The following NLRP7 variants were observed in gnomAD, a reference collection of about 807,000 sequenced individuals.
NLRP7 encodes NACHT, LRR and PYD domains-containing protein 7.
Under a neutral mutation model 85.5 loss-of-function variants are expected in NLRP7, and 72 were observed. The ratio of observed to expected loss-of-function variants is 0.84; its 90% CI spans 0.70 to 1.02. NLRP7 has a LOEUF of 1.02. Among genes scored for constraint, NLRP7 ranks in the 50% least tolerant of loss-of-function variants. NLRP7 has a pLI of 0.00. For missense variants in NLRP7, 1,243 were observed against 1,219.5 expected, an observed-to-expected ratio of 1.02 and a Z score of -0.29; for synonymous variants, 550 against 505.2, an observed-to-expected ratio of 1.09 and a Z score of -1.19.
rs767860440 is a variant in NLRP7, at chr19:54,934,472, G to A, written c.2471+17C>T. The A allele has an allele frequency of 1.2e-6, 2 of 1,613,712 alleles. No homozygotes were observed. Among genetic ancestry groups the A allele is most frequent in the South Asian group, 1.1e-5 (1 of 91,080 alleles). On this transcript the variant is annotated intron_variant, in intron 7 of 9. Transcript: ENST00000340844. The surrounding 1 kb of genome is among the most constrained non-coding windows in gnomAD (Gnocchi z 6.7). ...CCAGAACTAAACCAGAGCTGCCCAT[G>A]GGAAGAGGAGACTTACGACAACATC...
chr19:54,924,528 G>C (rs2068351953), intron 9 of NLRP7, among the ~76,000 whole-genome samples: 6 of 152,138 alleles, frequency 3.9e-5, no homozygotes, highest in Admixed American at 2.0e-4. Context: ...GGAGGCGGAG[G>C]CAAGAGGATC....
upstream of NLRP7, among the ~76,000 whole-genome samples, chr19:54,949,274 TAAA>T (rs11414677): frequency 1.5e-5 from 2 of 131,982 alleles, no homozygotes; most frequent in Admixed American, 7.8e-5. Flanking sequence ...ACTCCATCTT[TAAA>T]AAAAAAAAAA....
chr19:54,923,528 C>T (rs1216449715), exon 10 of NLRP7: 2 of 623,476 alleles, frequency 3.2e-6, no homozygotes, highest in Non-Finnish European at 2.8e-6. Context: ...AGTGCTCTAA[C>T]TTTATTATCC....
chr19:54,934,438 T>C lies in NLRP7; in HGVS notation c.2471+51A>G, dbSNP rs2068808280. ...GTAAGTCAGGTGTTACCCTTTCTCT[T>C]CTATAGCCCCAGAACTAAACCAGAG... On this transcript the variant is annotated intron_variant, in intron 7 of 9. Transcript: ENST00000340844. The surrounding 1 kb of genome is among the most constrained non-coding windows in gnomAD (Gnocchi z 6.7). 6.3e-7 allele frequency: 1 copy of C among 1,593,216 alleles called. No individual in the cohort carries two copies.
chr19:54,943,461 C>T (rs1295628128), intron 1 of NLRP7, among the ~76,000 whole-genome samples: 2 of 151,308 alleles, frequency 1.3e-5, no homozygotes, highest in East Asian at 2.0e-4. Flanking sequence ...ATTAGCCGGG[C>T]GTGGTGGCGG....
intron 1 of NLRP7, among the ~76,000 whole-genome samples, chr19:54,964,211 GTTTTTTTTTTT>G (rs747785772): frequency 1.9e-5 from 1 of 52,474 alleles, no homozygotes; most frequent in Non-Finnish European, 3.2e-5. Flanking sequence ...TTTATATGGT[GTTTTTTTTTTT>G]TTTTTTTTTT....
chr19:54,941,378 T>C, intron 2 of NLRP7, 57 bp downstream of exon 2: 1 of 791,974 alleles, frequency 1.3e-6, no homozygotes, highest in South Asian at 1.4e-5. Context: ...CGAGACTCCA[T>C]CTCAAAAAAA....
intron 9 of NLRP7, among the ~76,000 whole-genome samples, chr19:54,926,951 G>A (rs2068468768): frequency 6.7e-6 from 1 of 149,024 alleles, no homozygotes. Flanking sequence ...TTAGCCAGCT[G>A]TGGTGGTGTG....
exon 8 of NLRP7, chr19:54,933,725 C>G: frequency 1.2e-6 from 2 of 1,614,004 alleles, no homozygotes; most frequent in Non-Finnish European, 1.7e-6. Flanking sequence ...TTCTGTAAGA[C>G]GACAGTTTTC....
chr19:54,933,455 CTT>C, intron 8 of NLRP7, 112 bp downstream of exon 8: 1 of 1,379,182 alleles, frequency 7.3e-7, no homozygotes, highest in Non-Finnish European at 1.0e-6. Flanking sequence ...TCTGCCTGTT[CTT>C]TAATTCTTAC....
In NLRP7 at chr19:54,964,029, G is replaced by A. The variant is rs1221686309; in HGVS notation, c.-77+2011C>T. On this transcript the variant is annotated intron_variant, in intron 1 of 2. Coordinates refer to the NLRP7 transcript ENST00000587103. ...CAAGTAGCTGGGATTACAGGCACCC[G>A]CCACCACGCCCGACTAATTTTTTGT... Among the ~76,000 whole-genome samples, 14 of 148,054 alleles carry A rather than the reference G, an allele frequency of 9.5e-5. No homozygotes were observed. In the Admixed American group the frequency reaches 9.5e-4, roughly 10 times the overall value.
chr19:54,929,031 G>A (rs569180555), intron 9 of NLRP7, among the ~76,000 whole-genome samples: 7 of 152,106 alleles, frequency 4.6e-5, no homozygotes, highest in African/African-American at 1.7e-4. Context: ...AAGGTATCAC[G>A]GTCTGGCTTG....
At chr19:54,945,067 G>A (rs552916743) in intron 1 of NLRP7, among the ~76,000 whole-genome samples, 17 of 151,302 alleles carry the variant, frequency 1.1e-4, no homozygotes, top group East Asian at 5.9e-4. Flanking sequence ...GTGAAACCCC[G>A]TCTCTACTAA....
chr19:54,962,165 A>C (rs867597277), intron 1 of NLRP7, among the ~76,000 whole-genome samples: 4,025 of 79,616 alleles, frequency 0.051, 169 homozygotes, highest in African/African-American at 0.18. Context: ...CTCCATCTCA[A>C]AAAAAAAAAA....
At position 54,939,715 on chromosome 19, in the gene NLRP7, A is replaced by C. The variant is rs1654636; in HGVS notation, c.1104T>G (p.Ile368Met). ...TCTGCAGCTTCAGAGTCGTGCACAC[A>C]ATCCAGCACACCGCGGGGGCCGAGC... The change falls in exon 4 of 10, where the codon ATT becomes ATG. Residue 368 changes from isoleucine to methionine, a missense_variant. By Grantham distance (10) the Ile-to-Met change is conservative. Coordinates refer to ENST00000340844, the Ensembl canonical transcript of NLRP7. 9.5e-4 allele frequency: 1,522 copies of C among 1,610,330 alleles called. 2 individuals carry two copies. Among genetic ancestry groups the C allele is most frequent in the Admixed American group, 1.5e-3 (90 of 59,754 alleles).
chr19:54,942,495 G>A (rs1284903814), intron 1 of NLRP7, among the ~76,000 whole-genome samples: 3 of 150,692 alleles, frequency 2.0e-5, no homozygotes, highest in East Asian at 2.0e-4. Context: ...AGGCCAAGGC[G>A]GGTGGATAAC....
chr19:54,939,197 C>T (rs778846440), exon 4 of NLRP7: 11 of 1,614,202 alleles, frequency 6.8e-6, no homozygotes, highest in South Asian at 6.6e-5. Flanking sequence ...CGGTGACATC[C>T]GGCAGCCAAA....
intron 1 of NLRP7, among the ~76,000 whole-genome samples, chr19:54,956,576 A>G (rs1217751355): frequency 4.0e-5 from 6 of 151,276 alleles, no homozygotes; most frequent in Non-Finnish European, 7.4e-5. Context: ...TGCCTGTAAT[A>G]CCAGCTACTC....
intron 1 of NLRP7, among the ~76,000 whole-genome samples, chr19:54,956,888 C>T (rs1248977736): frequency 6.6e-6 from 1 of 151,746 alleles, no homozygotes; most frequent in Non-Finnish European, 1.5e-5. Flanking sequence ...CCTTGGCCTC[C>T]CAAAGTGCTG....
Sources: allele counts gnomAD v4.1 joint callset (sites outside exome capture counted in the v4.1 genomes callset), GRCh38; gene constraint gnomAD v4.1.1; non-coding constraint Gnocchi (gnomAD v3.1); transcripts MANE v1.5; gene names NCBI Gene and HGNC (gene_info 2026-07-23, HGNC 2026-07-21).